TMEM37: variants seen among roughly 807,000 people sequenced by gnomAD.
TMEM37 encodes the protein voltage-dependent calcium channel gamma-like subunit.
Under a neutral mutation model 11.0 loss-of-function variants are expected in TMEM37, and 12 were observed. That is an observed-to-expected ratio of 1.09 (90% CI 0.70 to 1.76). The LOEUF (loss-of-function observed/expected upper bound fraction) is 1.76. Ranked by LOEUF, TMEM37 falls within the 40% of genes most tolerant of loss-of-function variation. TMEM37 has a pLI of 0.00. For synonymous variants in TMEM37, 127 were observed against 110.5 expected (o/e 1.15, Z -0.94); for missense variants, 203 against 251.2 (o/e 0.81, Z 1.30).
rs958868612 is a variant in TMEM37 at position 119,437,606 on chromosome 2, C to CG, written c.*171dup. 1.0e-4 allele frequency: 92 copies of CG among 904,178 alleles called. No individual in the cohort carries two copies. The highest frequency in any genetic ancestry group is 1.3e-4 in the Non-Finnish European group (79 of 612,222). 56.0% of individuals were successfully genotyped at this position (904,178 alleles called of 1,614,324 possible). A position where few individuals can be genotyped will look rare whatever the true frequency, so the allele number is the denominator to read the frequency against. On this transcript the variant is annotated 3_prime_UTR_variant, in exon 2 of 2. Transcript: ENST00000306406. ...TGTGGGTGGTCAGCCAGAAATGGCC[C>CG]GGGGGCCTCTGCACCTGGTCTGCAG...
Position 119,437,621 on chromosome 2 carries a change from C to A in TMEM37, c.*181C>A. Reference sequence around the variant, plus strand: ...AGAAATGGCCCGGGGGCCTCTGCACCTGGTCTGCAGGGCCAGAGGCCAGGA... The same window carrying A: ...AGAAATGGCCCGGGGGCCTCTGCACATGGTCTGCAGGGCCAGAGGCCAGGA... On this transcript the variant is annotated 3_prime_UTR_variant, in exon 2 of 2. Coordinates refer to ENST00000306406, the MANE Select transcript of TMEM37 (RefSeq NM_183240.3). 1.3e-6 allele frequency: 1 copy of A among 773,464 alleles called. No homozygotes were observed. The highest frequency in any genetic ancestry group is 2.0e-6 in the Non-Finnish European group (1 of 494,748). 47.9% of individuals were successfully genotyped at this position (773,464 alleles called of 1,614,324 possible). A position where few individuals can be genotyped will look rare whatever the true frequency, so the allele number is the denominator to read the frequency against.
At chr2:119,436,008 G>A (rs756729357) in intron 1 of TMEM37, among the ~76,000 whole-genome samples, 5 of 152,112 alleles carry the variant, frequency 3.3e-5, no homozygotes, top group African/African-American at 9.7e-5. Flanking sequence ...GAGGCGGAGC[G>A]GATTGTGAGA....
In TMEM37 at chr2:119,437,489, AT is replaced by A. The variant is rs1682526228; in HGVS notation, c.*50del. 1.3e-6 allele frequency: 2 copies of A among 1,566,140 alleles called. No individual in the cohort carries two copies. Among genetic ancestry groups the A allele is most frequent in the Non-Finnish European group, 1.7e-6 (2 of 1,157,070 alleles). On this transcript the variant is annotated 3_prime_UTR_variant, in exon 2 of 2. Coordinates refer to ENST00000306406, the MANE Select transcript of TMEM37 (RefSeq NM_183240.3). ...CAGGGACATCAGATTCCACAAGAAA[AT>A]ATGGTCAAAATGGGACTTTTCCAGC...
At chr2:119,431,581 C>G (rs894693327), upstream of TMEM37, among the ~76,000 whole-genome samples, 17 of 152,246 alleles carry the variant, frequency 1.1e-4, no homozygotes, top group African/African-American at 4.1e-4. Context: ...AAGCTGTCCT[C>G]GGAGGTTCGG....
rs1682525918 is a variant in TMEM37, at chr2:119,437,472, T to G, written c.*32T>G. On this transcript the variant is annotated 3_prime_UTR_variant, in exon 2 of 2. Transcript: ENST00000306406. ...AAATTTTAGGCCCCCTCCAGGGACA[T>G]CAGATTCCACAAGAAAATATGGTCA... 1 of 1,585,484 alleles carries G rather than the reference T, an allele frequency of 6.3e-7. No homozygotes were observed. The highest frequency in any genetic ancestry group is 2.2e-5 in the East Asian group (1 of 44,614).
chr2:119,434,886 T>C (rs1038108373), intron 1 of TMEM37, among the ~76,000 whole-genome samples: 9 of 152,094 alleles, frequency 5.9e-5, no homozygotes, highest in Non-Finnish European at 1.0e-4. Flanking sequence ...TTACAGCCCA[T>C]GTAGGGAGGG....
rs762526994 is a variant in TMEM37 at position 119,436,877 on chromosome 2, G to C, written c.22-12G>C. On this transcript the variant is annotated splice_polypyrimidine_tract_variant and intron_variant, in intron 1 of 1. Transcript: ENST00000306406. ...CTGTGGCTGACAGGGTGCTTCCTAC[G>C]GTTTTTTCCAGGCCCAGAGGCCTTT... 1 of 1,605,226 alleles carries C rather than the reference G, an allele frequency of 6.2e-7. No individual in the cohort carries two copies. Among genetic ancestry groups the C allele is most frequent in the East Asian group, 2.2e-5 (1 of 44,830 alleles).
upstream of TMEM37, chr2:119,430,378 A>C (rs191531902): frequency 1.9e-5 from 9 of 482,208 alleles, no homozygotes; most frequent in Admixed American, 1.9e-4. Context: ...GGTGGCAAGA[A>C]CTCAAACCTG....
chr2:119,435,833 G>A (rs975067768), intron 1 of TMEM37, among the ~76,000 whole-genome samples: 1 of 152,226 alleles, frequency 6.6e-6, no homozygotes, highest in Non-Finnish European at 1.5e-5. Context: ...ACTCTCTGTG[G>A]AGGAGACTTT....
chr2:119,435,370 G>A (rs554682057), intron 1 of TMEM37, among the ~76,000 whole-genome samples: 1 of 152,312 alleles, frequency 6.6e-6, no homozygotes, highest in African/African-American at 2.4e-5. Flanking sequence ...CCATGGCATA[G>A]GACACACCCC....
intron 1 of TMEM37, among the ~76,000 whole-genome samples, chr2:119,432,855 G>A (rs1016602417): frequency 7.2e-5 from 11 of 152,136 alleles, no homozygotes; most frequent in Admixed American, 2.0e-4. Context: ...TCAAACCCAG[G>A]GCTTTCTGGC....
At position 119,431,862 on chromosome 2, in the gene TMEM37, A is replaced by C; in HGVS notation, c.-42A>C. ...CTGGCGCCGGCGGCCACAGCGGAGC[A>C]GCTGGAGCGATCGAGGCTGCAGCGC... On this transcript the variant is annotated 5_prime_UTR_variant, in exon 1 of 2. Transcript: ENST00000306406. 8.1e-7 allele frequency: 1 copy of C among 1,233,092 alleles called. No individual in the cohort carries two copies. Among genetic ancestry groups the C allele is most frequent in the Non-Finnish European group, 1.0e-6 (1 of 989,174 alleles). The allele number at this position is 1,233,092 out of a possible 1,614,324, so 76.4% of individuals were successfully genotyped here.
At chr2:119,430,264 A>G, upstream of TMEM37, 1 of 634,370 alleles carries the variant, frequency 1.6e-6, no homozygotes, top group Non-Finnish European at 3.0e-6. Context: ...CCTGGCCCCC[A>G]GGCCAGCAGC....
At chr2:119,431,473 C>A (rs1299525785), upstream of TMEM37, among the ~76,000 whole-genome samples, 4 of 152,242 alleles carry the variant, frequency 2.6e-5, no homozygotes, top group Admixed American at 1.3e-4. Context: ...TCGGACCCTG[C>A]CGCGTTCCCA....
At chr2:119,430,173 G>A (rs1001526029), upstream of TMEM37, 78 of 635,754 alleles carry the variant, frequency 1.2e-4, no homozygotes, top group Middle Eastern at 1.3e-3. Flanking sequence ...GGGCCACGGA[G>A]GGAAGGCCCC....
chr2:119,437,279 T>C lies in TMEM37; in HGVS notation c.412T>C (p.Ser138Pro), dbSNP rs770713643. 6.2e-7 allele frequency: 1 copy of C among 1,614,190 alleles called. No homozygotes were observed. Among genetic ancestry groups the C allele is most frequent in the Non-Finnish European group, 8.5e-7 (1 of 1,180,040 alleles). ...CCTCCTCCTGGTGTCTTTCGTCCTCTCCTCCGGCGGGCTCCTGGGTTTTGT... is the reference window on the plus strand; with the variant it reads ...CCTCCTCCTGGTGTCTTTCGTCCTCCCCTCCGGCGGGCTCCTGGGTTTTGT... ...SILLLVSFVL[S>P]SGGLLGFVIL... Residue 138 changes from serine (S) to proline (P), a missense_variant, in exon 2 of 2, where the codon TCC becomes CCC. Physicochemically the swap from Ser to Pro is moderately conservative, Grantham distance 74. Coordinates refer to ENST00000306406, the MANE Select transcript of TMEM37 (RefSeq NM_183240.3).
chr2:119,430,399 G>C (rs1161944140), upstream of TMEM37: 7 of 477,230 alleles, frequency 1.5e-5, no homozygotes, highest in South Asian at 1.1e-4. Context: ...GACTAGGCCT[G>C]CTGGGTAAGT....
intron 1 of TMEM37, among the ~76,000 whole-genome samples, chr2:119,432,580 C>G (rs553408965): frequency 1.6e-3 from 245 of 152,302 alleles, no homozygotes; most frequent in African/African-American, 5.5e-3. Context: ...CTACCCGCTC[C>G]CTCGGGCCTG....
chr2:119,430,183 C>T, upstream of TMEM37: 1 of 641,382 alleles, frequency 1.6e-6, no homozygotes, highest in Non-Finnish European at 2.9e-6. Context: ...GGGAAGGCCC[C>T]AGAGCAGAGA....
Sources: gnomAD v4.1 joint callset for allele counts (sites outside exome capture counted in the v4.1 genomes callset) on GRCh38, gnomAD v4.1.1 for gene constraint, MANE v1.5 for transcripts, NCBI Gene and HGNC (gene_info 2026-07-23, HGNC 2026-07-21) for gene names.